The following HSPG2 variants were observed in gnomAD, a reference collection of about 807,000 sequenced individuals.
The protein encoded by HSPG2 is basement membrane-specific heparan sulfate proteoglycan core protein.
HSPG2 carries 278 observed loss-of-function variants against 526.6 expected under a neutral mutation model. The ratio of observed to expected loss-of-function variants is 0.53; its 90% CI spans 0.48 to 0.58. The LOEUF (loss-of-function observed/expected upper bound fraction) is 0.58. Ranked by LOEUF, HSPG2 falls within the 20% of genes least tolerant of loss-of-function variation. HSPG2 has a pLI of 0.00. For missense variants in HSPG2, 5,354 were observed against 6,099.5 expected, an observed-to-expected ratio of 0.88 and a Z score of 4.07; for synonymous variants, 2,465 against 2,555.4, an observed-to-expected ratio of 0.96 and a Z score of 1.07.
chr1:21,875,123 C>T, intron 25 of HSPG2, 121 bp from the exon 26 acceptor site: 1 of 767,820 alleles, frequency 1.3e-6, no homozygotes, highest in Non-Finnish European at 2.2e-6. Flanking sequence ...GCTGCTGGGG[C>T]CCTGTCCAGA....
At chr1:21,863,763 C>G (rs891532718) in intron 37 of HSPG2, among the ~76,000 whole-genome samples, 3 of 151,336 alleles carry the variant, frequency 2.0e-5, no homozygotes, top group African/African-American at 7.3e-5. Context: ...TCCCAGCACT[C>G]TGGGAGGCCG....
intron 1 of HSPG2, among the ~76,000 whole-genome samples, chr1:21,934,502 C>T (rs1024586960): frequency 1.3e-5 from 2 of 152,118 alleles, no homozygotes; most frequent in African/African-American, 4.8e-5. Context: ...GGCATGATGG[C>T]TTATGCCTGT....
chr1:21,923,139 G>T (rs896118006), intron 1 of HSPG2, among the ~76,000 whole-genome samples: 7 of 152,164 alleles, frequency 4.6e-5, no homozygotes, highest in Non-Finnish European at 8.8e-5. Flanking sequence ...GGGCACGGTG[G>T]CTCACACCTG....
Position 21,859,828 on chromosome 1 carries a change from T to C in HSPG2, c.5182+7A>G, listed in dbSNP as rs1639654192. 6.2e-7 allele frequency: 1 copy of C among 1,611,070 alleles called. No homozygotes were observed. Among genetic ancestry groups the C allele is most frequent in the Non-Finnish European group, 8.5e-7 (1 of 1,179,492 alleles). ...CTTGGGGCTGAGGAGCCTAGGGCCA[T>C]GGGTACCTTGATGTCGCTGCTGGGT... On this transcript the variant is annotated splice_region_variant and intron_variant, in intron 41 of 96. Coordinates refer to ENST00000374695, the MANE Select transcript of HSPG2 (RefSeq NM_005529.7). This position sits in a 1 kb window ranked among gnomAD's most constrained non-coding sequence, Gnocchi z 5.3.
intron 57 of HSPG2, 73 bp downstream of exon 57, chr1:21,849,968 G>A: frequency 6.3e-7 from 1 of 1,588,918 alleles, no homozygotes; most frequent in Non-Finnish European, 8.6e-7. Flanking sequence ...GTGAGCCACT[G>A]CGCCCGGTCA....
chr1:21,830,076 T>C lies in HSPG2; in HGVS notation c.11687A>G (p.Asp3896Gly), dbSNP rs1215543868. ...LHCHPEACGP[D>G]ATCVNRPDGR... The stretch of plus-strand genomic sequence containing the variant: ...GTCAGGCCGGTTCACACAGGTGGCG[T>C]CGGGCCCACAGGCCTCTGGGGGGCA... The change falls in exon 86 of 97, where the codon GAC (aspartate) becomes GGC (glycine). Residue 3896 changes from aspartate to glycine, a missense_variant. By Grantham distance (94) the Asp-to-Gly change is moderately conservative. Transcript: ENST00000374695. 5 of 1,599,104 alleles carry C rather than the reference T, an allele frequency of 3.1e-6. No homozygotes were observed. Among genetic ancestry groups the C allele is most frequent in the African/African-American group, 1.3e-5 (1 of 74,654 alleles).
At position 21,857,081 on chromosome 1, in the gene HSPG2, T is replaced by G. The variant is rs1572248015; in HGVS notation, c.5509A>C (p.Thr1837Pro). ...ATGTTGGAGCCGGTGCACACGTAGG[T>G]GCCTGCATCACTCAGCTGGACGTTG... ...IRNVQLSDAG[T>P]YVCTGSNMFA... The change falls in exon 44 of 97, where the codon ACC (threonine) becomes CCC (proline). Residue 1837 changes from threonine to proline, a missense_variant. Thr to Pro is a conservative substitution (Grantham distance 38). Transcript: ENST00000374695. The G allele has an allele frequency of 2.5e-6, 4 of 1,614,060 alleles. No individual in the cohort carries two copies. The highest frequency in any genetic ancestry group is 3.4e-6 in the Non-Finnish European group (4 of 1,179,976).
rs1177897844 is a variant in HSPG2, at chr1:21,823,280, G to T, written c.*36C>A. 3.4e-6 allele frequency: 5 copies of T among 1,465,738 alleles called. No individual in the cohort carries two copies. The East Asian group carries it at 1.0e-4, about 29-fold the overall frequency. The allele number at this position is 1,465,738 out of a possible 1,614,324, so 90.8% of individuals were successfully genotyped here. A position where few individuals can be genotyped will look rare whatever the true frequency, so the allele number is the denominator to read the frequency against. On this transcript the variant is annotated 3_prime_UTR_variant, in exon 97 of 97. Coordinates refer to ENST00000374695, the MANE Select transcript of HSPG2 (RefSeq NM_005529.7). Reference sequence around the variant, plus strand: ...ATATACTCGACATTGTCGGGCTGGGGCGTGGCCCGGGAGTCCGTGTGGGGC... The same window carrying T: ...ATATACTCGACATTGTCGGGCTGGGTCGTGGCCCGGGAGTCCGTGTGGGGC...
Position 21,904,183 on chromosome 1 carries a change from C to G in HSPG2, c.64-7873G>C, listed in dbSNP as rs1643248896. 6.6e-6 allele frequency among the ~76,000 whole-genome samples: 1 copy of G among 152,190 alleles called. No individual in the cohort carries two copies. Among genetic ancestry groups the G allele is most frequent in the Non-Finnish European group, 1.5e-5 (1 of 68,042 alleles). ...GCTGAAGGGGAAGGAAGGGGGCCGG[C>G]AGAGCCCAGGGGAGGGTCCCCTCAC... On this transcript the variant is annotated intron_variant, in intron 1 of 96. Coordinates refer to ENST00000374695, the MANE Select transcript of HSPG2 (RefSeq NM_005529.7). The surrounding 1 kb of genome is among the most constrained non-coding windows in gnomAD (Gnocchi z 4.4).
intron 1 of HSPG2, among the ~76,000 whole-genome samples, chr1:21,930,111 A>T (rs2152804465): frequency 6.6e-6 from 1 of 151,284 alleles, no homozygotes; most frequent in East Asian, 1.9e-4. Context: ...CCCCTCACTG[A>T]TGCTGCTCCA....
At chr1:21,835,393 A>G in intron 76 of HSPG2, 147 bp downstream of exon 76, 1 of 697,094 alleles carries the variant, frequency 1.4e-6, no homozygotes, top group Non-Finnish European at 2.6e-6. Context: ...ACTCTATGCT[A>G]GACACAAGCA....
At position 21,838,887 on chromosome 1, in the gene HSPG2, T is replaced by C. The variant is rs962583469; in HGVS notation, c.10088A>G (p.Tyr3363Cys). 6.2e-7 allele frequency: 1 copy of C among 1,612,666 alleles called. No individual in the cohort carries two copies. The highest frequency in any genetic ancestry group is 8.5e-7 in the Non-Finnish European group (1 of 1,179,670). ...CACCTTGTTGGTGACCCGGCAGCGG[T>C]AGCGGCCTGAGTCCTCAGGGGCTGC... ...ERAAPEDSGR[Y>C]RCRVTNKVGS... is the part of the protein sequence containing the mutation. The change falls in exon 74 of 97, where the codon TAC becomes TGC. Residue 3363 changes from tyrosine to cysteine, a missense_variant. Coordinates refer to ENST00000374695, the MANE Select transcript of HSPG2 (RefSeq NM_005529.7).
chr1:21,880,046 G>T (rs182908154), intron 17 of HSPG2, 61 bp downstream of exon 17: 16 of 1,582,746 alleles, frequency 1.0e-5, no homozygotes, highest in Middle Eastern at 1.7e-4. Flanking sequence ...TGAACACAGG[G>T]AATCTCACAC....
chr1:21,840,558 A>G (rs1217135448), intron 71 of HSPG2, among the ~76,000 whole-genome samples: 1 of 152,032 alleles, frequency 6.6e-6, no homozygotes, highest in Non-Finnish European at 1.5e-5. Context: ...CGCCCGCCTC[A>G]GCCTCCCAAA....
chr1:21,852,557 A>G (rs1247890578), intron 52 of HSPG2, 143 bp downstream of exon 52: 1 of 1,151,314 alleles, frequency 8.7e-7, no homozygotes, highest in Non-Finnish European at 1.3e-6. Context: ...TTACTCTGAC[A>G]GGTGGAGTCG....
chr1:21,839,072 G>T lies in HSPG2; in HGVS notation c.9903C>A (p.Ala3301=). The T allele has an allele frequency of 1.3e-6, 2 of 1,584,526 alleles. No individual in the cohort carries two copies. Among genetic ancestry groups the T allele is most frequent in the Non-Finnish European group, 8.6e-7 (1 of 1,160,164 alleles). The part of the protein sequence containing the change: ...IILHVESPPY[A]TTVPEHASVQ... ...CCGAAGCGTGCTCTGGGACCGTGGT[G>T]GCATATGGTGGGCCTGAGTGGGGGG... The change falls in exon 74 of 97, where the codon GCC becomes GCA. Residue 3301 remains alanine (A), a synonymous_variant. Coordinates refer to ENST00000374695, the MANE Select transcript of HSPG2 (RefSeq NM_005529.7). The surrounding 1 kb of genome is among the most constrained non-coding windows in gnomAD (Gnocchi z 4.5).
chr1:21,823,346 G>GTTT lies in HSPG2; in HGVS notation c.13145_13146insAAA (p.Ala4382_Gly4383insAsn). On this transcript the variant is annotated inframe_insertion, in exon 97 of 97. Transcript: ENST00000374695. ...AGGGGCAGGGGCGTGTGTTGGCCCC[G>GTTT]GCCTGGGCGCGGTGCTGCAGGTCCA... The GTTT allele has an allele frequency of 6.5e-7, 1 of 1,543,444 alleles. No individual in the cohort carries two copies. Among genetic ancestry groups the GTTT allele is most frequent in the Non-Finnish European group, 8.7e-7 (1 of 1,147,908 alleles).
chr1:21,899,426 A>G (rs1642968909), intron 1 of HSPG2, among the ~76,000 whole-genome samples: 1 of 152,156 alleles, frequency 6.6e-6, no homozygotes, highest in Non-Finnish European at 1.5e-5. Context: ...CTTACTATGC[A>G]CCAGGCACTC....
intron 3 of HSPG2, among the ~76,000 whole-genome samples, chr1:21,894,005 G>A (rs1031477616): frequency 1.3e-5 from 2 of 152,020 alleles, no homozygotes; most frequent in Non-Finnish European, 2.9e-5. Context: ...AGACACTCAA[G>A]GAGTGGGGAA....
Sources: gnomAD v4.1 joint callset for allele counts (sites outside exome capture counted in the v4.1 genomes callset) on GRCh38, gnomAD v4.1.1 for gene constraint, Gnocchi (gnomAD v3.1) non-coding constraint, MANE v1.5 for transcripts, NCBI Gene and HGNC (gene_info 2026-07-23, HGNC 2026-07-21) for gene names.